CNTN6: variants seen among roughly 807,000 people sequenced by gnomAD.
The protein encoded by CNTN6 is contactin 6.
In CNTN6, 137 loss-of-function variants were observed where a neutral mutation model predicts 122.8. That is an observed-to-expected ratio of 1.12 (90% CI 0.97 to 1.29). The LOEUF (loss-of-function observed/expected upper bound fraction) is 1.29. CNTN6 is among the 50% of genes most tolerant of loss of function. The probability of loss-of-function intolerance (pLI) is 0.00; values close to 1 mark genes in which losing one functional copy is unlikely to be tolerated. For synonymous variants in CNTN6, 570 were observed against 426.0 expected (o/e 1.34, Z -4.16); for missense variants, 1,634 against 1,223.4 (o/e 1.34, Z -5.01).
intron 7 of CNTN6, among the ~76,000 whole-genome samples, chr3:1,300,242 T>C (rs1696971163): frequency 6.6e-6 from 1 of 152,144 alleles, no homozygotes; most frequent in African/African-American, 2.4e-5. Context: ...CGACTCAGCC[T>C]TCCTAAGTGC....
At chr3:1,167,688 T>C (rs1275446218) in intron 2 of CNTN6, among the ~76,000 whole-genome samples, 1 of 152,124 alleles carries the variant, frequency 6.6e-6, no homozygotes, top group East Asian at 1.9e-4. Context: ...GGTAAGAAGC[T>C]TGCCCCAAGG....
rs188008170 is a variant in CNTN6, at chr3:1,135,549, C to A, written c.-82-12378C>A. 4.9e-4 allele frequency among the ~76,000 whole-genome samples: 75 copies of A among 152,276 alleles called. 1 individual carries two copies. Among genetic ancestry groups the A allele is most frequent in the Non-Finnish European group, 9.1e-4 (62 of 68,022 alleles). The stretch of plus-strand genomic sequence containing the variant: ...TTCTTTCTCAGGAGAGAGCTCAGAA[C>A]TGCAGGGTTTTACTGTATTTATTGT... On this transcript the variant is annotated intron_variant, in intron 1 of 22. Transcript: ENST00000446702.
chr3:1,171,937 T>A (rs962130001), intron 2 of CNTN6, among the ~76,000 whole-genome samples: 2 of 152,142 alleles, frequency 1.3e-5, no homozygotes, highest in Non-Finnish European at 2.9e-5. Context: ...AGAATGCTCA[T>A]AATTCTAAAG....
At chr3:1,308,790 T>A (rs543747274) in intron 7 of CNTN6, among the ~76,000 whole-genome samples, 30 of 148,800 alleles carry the variant, frequency 2.0e-4, no homozygotes, top group African/African-American at 7.8e-4. Flanking sequence ...CATTTGATAT[T>A]GTGTGTGTTT....
chr3:1,310,721 G>A (rs1043917466), intron 7 of CNTN6, among the ~76,000 whole-genome samples: 1 of 152,110 alleles, frequency 6.6e-6, no homozygotes, highest in African/African-American at 2.4e-5. Context: ...AAAAATAGAG[G>A]CCAGGCGCAG....
intron 1 of CNTN6, among the ~76,000 whole-genome samples, chr3:1,113,237 A>G (rs2091564707): frequency 6.6e-6 from 1 of 152,196 alleles, no homozygotes; most frequent in Non-Finnish European, 1.5e-5. Flanking sequence ...ACAAGGTCTA[A>G]TTACTTTGGA....
chr3:1,331,708 G>C (rs1364801773), intron 11 of CNTN6, among the ~76,000 whole-genome samples: 4 of 151,842 alleles, frequency 2.6e-5, no homozygotes, highest in Non-Finnish European at 5.9e-5. Context: ...ATTTAATAAA[G>C]TAACTCACCC....
chr3:1,271,309 G>A (rs1015626664), intron 4 of CNTN6, among the ~76,000 whole-genome samples: 8 of 152,202 alleles, frequency 5.3e-5, no homozygotes, highest in African/African-American at 9.6e-5. Context: ...TGAAAGCAGC[G>A]GGACATTTTC....
In CNTN6 at chr3:1,321,796, G is replaced by A. The variant is rs41293401; in HGVS notation, c.908G>A (p.Arg303Gln). 13,382 of 1,609,744 alleles carry A rather than the reference G, an allele frequency of 8.3e-3. 68 individuals carry two copies. Among genetic ancestry groups the A allele is most frequent in the Non-Finnish European group, 0.01 (12,069 of 1,177,684 alleles). The change falls in exon 8 of 23, where the codon CGA becomes CAA. Residue 303 changes from arginine to glutamine, a missense_variant. Physicochemically the swap from Arg to Gln is conservative, Grantham distance 43. Coordinates refer to ENST00000446702, the MANE Select transcript of CNTN6 (RefSeq NM_001289080.2). The part of the protein sequence containing the change: ...GFYECIASNL[R>Q]GRNLAKGQLI... ...TATGAGTGCATTGCAAGCAACCTTC[G>A]AGGAAGAAACCTTGCAAAGGGTCAA...
At chr3:1,241,536 C>T (rs114923410) in intron 4 of CNTN6, among the ~76,000 whole-genome samples, 12,985 of 151,910 alleles carry the variant, frequency 0.085, 723 homozygotes, top group Admixed American at 0.17. Flanking sequence ...ATACAAGGTC[C>T]GAATTAAAAG....
chr3:1,304,759 C>T (rs1698053298), intron 7 of CNTN6, among the ~76,000 whole-genome samples: 2 of 151,644 alleles, frequency 1.3e-5, no homozygotes, highest in African/African-American at 4.8e-5. Context: ...TTTGGGAGGC[C>T]GAGGTGGGTG....
intron 12 of CNTN6, among the ~76,000 whole-genome samples, chr3:1,365,064 A>T (rs1248353079): frequency 6.6e-6 from 1 of 151,772 alleles, no homozygotes; most frequent in Non-Finnish European, 1.5e-5. Flanking sequence ...GTAAATATTC[A>T]CTCTCCCCCA....
chr3:1,270,990 A>G (rs948089977), intron 4 of CNTN6, among the ~76,000 whole-genome samples: 3 of 152,054 alleles, frequency 2.0e-5, no homozygotes, highest in African/African-American at 7.2e-5. Context: ...GCTCACTGCA[A>G]CCTCTGCTTC....
intron 20 of CNTN6, among the ~76,000 whole-genome samples, chr3:1,394,734 T>C (rs988338918): frequency 4.6e-5 from 7 of 152,228 alleles, no homozygotes; most frequent in Non-Finnish European, 1.0e-4. Context: ...TTTTTGACAC[T>C]AAATTTTTTC....
chr3:1,256,789 A>G (rs796374425), intron 4 of CNTN6, among the ~76,000 whole-genome samples: 2 of 152,162 alleles, frequency 1.3e-5, no homozygotes, highest in South Asian at 4.1e-4. Flanking sequence ...ATTATTCTAA[A>G]TAAATGTCTC....
intron 1 of CNTN6, among the ~76,000 whole-genome samples, chr3:1,144,408 T>C (rs943151407): frequency 2.6e-5 from 4 of 151,792 alleles, no homozygotes; most frequent in African/African-American, 9.7e-5. Flanking sequence ...AAACCCTGTC[T>C]TTACTAAAAA....
At chr3:1,379,735 C>A (rs534259884) in intron 17 of CNTN6, among the ~76,000 whole-genome samples, 1 of 152,072 alleles carries the variant, frequency 6.6e-6, no homozygotes, top group Non-Finnish European at 1.5e-5. Context: ...CAGATACTTG[C>A]AGAAAGTAAA....
chr3:1,368,683 C>T (rs1261573551), intron 12 of CNTN6, among the ~76,000 whole-genome samples: 2 of 151,880 alleles, frequency 1.3e-5, no homozygotes, highest in Non-Finnish European at 2.9e-5. Flanking sequence ...ATTATATAAT[C>T]AATCAAGATA....
intron 20 of CNTN6, chr3:1,401,153 A>C (rs981493472): frequency 6.1e-6 from 2 of 325,448 alleles, no homozygotes; most frequent in Non-Finnish European, 1.1e-5. Context: ...ATATATGATA[A>C]AGTAAACAAA....
Sources: allele counts gnomAD v4.1 joint callset (sites outside exome capture counted in the v4.1 genomes callset), GRCh38; gene constraint gnomAD v4.1.1; transcripts MANE v1.5; gene names NCBI Gene and HGNC (gene_info 2026-07-23, HGNC 2026-07-21).